Variants in GRB10 observed in about 807,000 individuals in gnomAD.
The protein encoded by GRB10 is growth factor receptor-bound protein 10.
In GRB10, 20 loss-of-function variants were observed where a neutral mutation model predicts 80.9. The observed-to-expected ratio is 0.25, with a 90% CI of 0.17 to 0.36. GRB10 has a LOEUF of 0.36. GRB10 is among the 10% of genes least tolerant of loss of function. The pLI is 1.00. For synonymous variants in GRB10, 291 were observed against 291.5 expected (o/e 1.00, Z 0.02); for missense variants, 548 against 747.7 (o/e 0.73, Z 3.12).
chr7:50,735,459 T>C lies in GRB10; in HGVS notation c.-46-3091A>G, dbSNP rs79944980. ...GAGCTGAGGGTGTGTGAAGGGCTGA[T>C]CTTGTGAAGTTCTGTGAGCAAGCTG... On this transcript the variant is annotated intron_variant, in intron 3 of 18. Coordinates refer to ENST00000401949, the MANE Select transcript of GRB10 (RefSeq NM_001350814.2). Among the ~76,000 whole-genome samples, 1,475 of 152,292 alleles carry C rather than the reference T, an allele frequency of 9.7e-3. 23 individuals carry two copies. Among genetic ancestry groups the C allele is most frequent in the African/African-American group, 0.033 (1,376 of 41,542 alleles).
At chr7:50,624,961 G>A (rs1349132468) in intron 8 of GRB10, among the ~76,000 whole-genome samples, 1 of 150,496 alleles carries the variant, frequency 6.6e-6, no homozygotes, top group East Asian at 2.0e-4. Context: ...CCACTAGAAT[G>A]TATTAAGTCC....
chr7:50,731,407 G>A (rs904104598), intron 4 of GRB10, among the ~76,000 whole-genome samples: 3 of 151,762 alleles, frequency 2.0e-5, no homozygotes, highest in South Asian at 2.1e-4. Context: ...CAGACTAAGA[G>A]AGAAAATAAG....
At chr7:50,753,307 C>G (rs899123670) in intron 3 of GRB10, among the ~76,000 whole-genome samples, 1 of 152,232 alleles carries the variant, frequency 6.6e-6, no homozygotes, top group African/African-American at 2.4e-5. Flanking sequence ...TCAAGCAAAA[C>G]GTGAGTTCTT....
At position 50,591,943 on chromosome 7, in the gene GRB10, A is replaced by C. The variant is rs2045891094; in HGVS notation, c.*1009T>G. On this transcript the variant is annotated 3_prime_UTR_variant, in exon 19 of 19. Coordinates refer to ENST00000401949, the MANE Select transcript of GRB10 (RefSeq NM_001350814.2). ...TTTAGATCCTTTAATCCCCCGAGGG[A>C]CATCAGCCGTGAAACGACTCACACC... 1 of 152,222 alleles carries C rather than the reference A, an allele frequency of 6.6e-6. No individual in the cohort carries two copies. The highest frequency in any genetic ancestry group is 1.5e-5 in the Non-Finnish European group (1 of 68,052). 9.4% of individuals were successfully genotyped at this position (152,222 alleles called of 1,614,324 possible).
At chr7:50,777,245 G>A (rs1478347594) in intron 2 of GRB10, among the ~76,000 whole-genome samples, 1 of 152,134 alleles carries the variant, frequency 6.6e-6, no homozygotes, top group African/African-American at 2.4e-5. Context: ...CTCATATGGT[G>A]GAAGAGCAGA....
At chr7:50,712,645 T>C (rs982271490) in intron 4 of GRB10, among the ~76,000 whole-genome samples, 1 of 152,262 alleles carries the variant, frequency 6.6e-6, no homozygotes, top group African/African-American at 2.4e-5. Context: ...GTACTCCATA[T>C]TCAGGCACTT....
chr7:50,667,204 TCTG>T (rs1055426711), intron 7 of GRB10, among the ~76,000 whole-genome samples: 3 of 152,186 alleles, frequency 2.0e-5, no homozygotes, highest in Non-Finnish European at 4.4e-5. Flanking sequence ...TCTTCATGAA[TCTG>T]CTATTTAATA....
chr7:50,643,706 G>C (rs1419211802), intron 7 of GRB10, among the ~76,000 whole-genome samples: 1 of 152,170 alleles, frequency 6.6e-6, no homozygotes, highest in East Asian at 1.9e-4. Context: ...TAGGAGTAAA[G>C]GGACTTGATA....
chr7:50,772,618 T>C (rs2153709853), intron 2 of GRB10, among the ~76,000 whole-genome samples: 1 of 152,182 alleles, frequency 6.6e-6, no homozygotes, highest in East Asian at 1.9e-4. Flanking sequence ...CCATCCAAAT[T>C]GGAAAGGAAG....
Position 50,591,900 on chromosome 7 carries a change from AC to A in GRB10, c.*1051del, listed in dbSNP as rs1172987019. The A allele has an allele frequency of 1.3e-5, 2 of 152,266 alleles. No homozygotes were observed. The highest frequency in any genetic ancestry group is 4.8e-5 in the African/African-American group (2 of 41,462). The allele number at this position is 152,266 out of a possible 1,614,324, so 9.4% of individuals were successfully genotyped here. ...ACCCATGAGACACAGCACGAAGACA[AC>A]CAGGTGCCATTTTCTCTTTAGATCC... On this transcript the variant is annotated 3_prime_UTR_variant, in exon 19 of 19. Coordinates refer to ENST00000401949, the MANE Select transcript of GRB10 (RefSeq NM_001350814.2).
chr7:50,704,052 T>C (rs528864061), intron 4 of GRB10, 144 bp from the exon 5 acceptor site: 28 of 648,434 alleles, frequency 4.3e-5, no homozygotes, highest in South Asian at 2.9e-4. Context: ...TTTTCAATGA[T>C]AGTTGTTGAA....
intron 7 of GRB10, among the ~76,000 whole-genome samples, chr7:50,663,393 C>T (rs554335467): frequency 7.1e-4 from 108 of 152,352 alleles, no homozygotes; most frequent in African/African-American, 2.5e-3. Context: ...CCCAAATGAT[C>T]CTTAACCACT....
At chr7:50,684,650 A>C (rs776095037) in intron 5 of GRB10, among the ~76,000 whole-genome samples, 1 of 152,190 alleles carries the variant, frequency 6.6e-6, no homozygotes, top group Non-Finnish European at 1.5e-5. Flanking sequence ...CCAAAAACCT[A>C]AGCTAAAACT....
At chr7:50,770,139 A>C (rs558189436) in intron 2 of GRB10, among the ~76,000 whole-genome samples, 17 of 152,196 alleles carry the variant, frequency 1.1e-4, no homozygotes, top group Non-Finnish European at 2.1e-4. Context: ...CAGGCTCTCT[A>C]GACTCAGGCG....
chr7:50,768,009 G>C (rs2076539991), intron 2 of GRB10, among the ~76,000 whole-genome samples: 1 of 152,228 alleles, frequency 6.6e-6, no homozygotes, highest in South Asian at 2.1e-4. Flanking sequence ...CTACACTGGG[G>C]TTCTGAGTGA....
chr7:50,659,181 C>T (rs556666140), intron 7 of GRB10, among the ~76,000 whole-genome samples: 2 of 152,214 alleles, frequency 1.3e-5, no homozygotes, highest in South Asian at 4.1e-4. Context: ...TTTTCAGATC[C>T]TCTAAAATCA....
At chr7:50,740,307 T>A (rs541787078) in intron 3 of GRB10, among the ~76,000 whole-genome samples, 2 of 152,280 alleles carry the variant, frequency 1.3e-5, no homozygotes, top group South Asian at 4.1e-4. Context: ...CCTGACAGCT[T>A]CACTTTTGAG....
At chr7:50,707,428 G>A (rs192355353) in intron 4 of GRB10, among the ~76,000 whole-genome samples, 23 of 152,250 alleles carry the variant, frequency 1.5e-4, no homozygotes, top group African/African-American at 5.1e-4. Context: ...AGAGCTGCCC[G>A]CTCCCGGGCC....
At chr7:50,616,450 C>A in intron 10 of GRB10, 103 bp from the exon 11 acceptor site, 1 of 1,102,200 alleles carries the variant, frequency 9.1e-7, no homozygotes, top group South Asian at 1.4e-5. Flanking sequence ...TTAAAAGACT[C>A]CTTTTTGGAT....
Sources: gnomAD v4.1 joint callset for allele counts (sites outside exome capture counted in the v4.1 genomes callset) on GRCh38, gnomAD v4.1.1 for gene constraint, MANE v1.5 for transcripts, NCBI Gene and HGNC (gene_info 2026-07-23, HGNC 2026-07-21) for gene names.